EPHA5: variants seen among roughly 807,000 people sequenced by gnomAD.
EPHA5 encodes EPH receptor A5.
A neutral mutation model predicts 105.0 loss-of-function variants in EPHA5; 60 were observed. That is an observed-to-expected ratio of 0.57 (90% CI 0.46 to 0.71). The LOEUF (loss-of-function observed/expected upper bound fraction) is 0.71, where lower values mean the gene tolerates loss of function less well. Among genes scored for constraint, EPHA5 ranks in the 30% least tolerant of loss-of-function variants. The pLI, the probability that EPHA5 is intolerant of heterozygous loss-of-function variation, is 0.00. For missense variants in EPHA5, 1,218 were observed against 1,274.7 expected, an observed-to-expected ratio of 0.96 and a Z score of 0.68; for synonymous variants, 513 against 449.1, an observed-to-expected ratio of 1.14 and a Z score of -1.80.
At chr4:65,363,505 C>T (rs1409302495) in intron 11 of EPHA5, among the ~76,000 whole-genome samples, 1 of 151,440 alleles carries the variant, frequency 6.6e-6, no homozygotes, top group Non-Finnish European at 1.5e-5. Flanking sequence ...TACATCTTAA[C>T]TCATTATGAA....
intron 9 of EPHA5, among the ~76,000 whole-genome samples, chr4:65,366,386 G>A (rs184843944): frequency 2.0e-5 from 3 of 151,700 alleles, no homozygotes; most frequent in Non-Finnish European, 3.0e-5. Flanking sequence ...TTAATTTGCT[G>A]GTTTATTATT....
At chr4:65,588,477 G>A (rs914357755) in intron 3 of EPHA5, among the ~76,000 whole-genome samples, 4 of 152,064 alleles carry the variant, frequency 2.6e-5, no homozygotes, top group South Asian at 2.1e-4. Context: ...TCTGCTCAGG[G>A]GAACAGTCTG....
At chr4:65,615,626 C>G (rs1466742889) in intron 2 of EPHA5, among the ~76,000 whole-genome samples, 1 of 151,792 alleles carries the variant, frequency 6.6e-6, no homozygotes, top group Non-Finnish European at 1.5e-5. Context: ...ACAGAAAATA[C>G]ATGAAAAGAC....
At chr4:65,492,262 A>G (rs537955031) in intron 4 of EPHA5, among the ~76,000 whole-genome samples, 78 of 152,006 alleles carry the variant, frequency 5.1e-4, no homozygotes, top group Admixed American at 2.1e-3. Flanking sequence ...AATGCACTGG[A>G]GTGATTTTGG....
At chr4:65,655,155 C>A (rs1204252303) in intron 1 of EPHA5, among the ~76,000 whole-genome samples, 1 of 151,696 alleles carries the variant, frequency 6.6e-6, no homozygotes, top group African/African-American at 2.4e-5. Context: ...CTTTCATATT[C>A]TCTTTTATTA....
chr4:65,657,159 A>C (rs1255883523), intron 1 of EPHA5, among the ~76,000 whole-genome samples: 1 of 152,154 alleles, frequency 6.6e-6, no homozygotes, highest in African/African-American at 2.4e-5. Flanking sequence ...TGTAAATCTA[A>C]AGTACTTCAT....
At chr4:65,493,772 C>G (rs978515914) in intron 4 of EPHA5, among the ~76,000 whole-genome samples, 1 of 151,716 alleles carries the variant, frequency 6.6e-6, no homozygotes, top group Non-Finnish European at 1.5e-5. Flanking sequence ...CCCCCTCACG[C>G]CCCACCCCCA....
chr4:65,590,217 T>G (rs1234428697), intron 3 of EPHA5, among the ~76,000 whole-genome samples: 2 of 152,162 alleles, frequency 1.3e-5, no homozygotes, highest in Admixed American at 1.3e-4. Flanking sequence ...ACCTTTACAG[T>G]GCTCAAATGA....
rs530072878 is a variant in EPHA5, at chr4:65,362,429, G to C, written c.2173+2588C>G. Among the ~76,000 whole-genome samples the C allele has an allele frequency of 3.3e-5, 5 of 151,790 alleles. No individual in the cohort carries two copies. In the East Asian group the frequency reaches 9.7e-4, roughly 29 times the overall value. ...AAACAAGTTGGAGACTTCCTAAGTT[G>C]AACATTAAGAGCTAAATTTATAAAG... On this transcript the variant is annotated intron_variant, in intron 11 of 16. Transcript: ENST00000613740.
intron 15 of EPHA5, among the ~76,000 whole-genome samples, chr4:65,333,562 T>C (rs1348840060): frequency 4.2e-5 from 5 of 119,012 alleles, no homozygotes; most frequent in South Asian, 2.3e-4. Context: ...TGTGTGTGTG[T>C]GTGTGTGTGT....
At chr4:65,536,534 G>T (rs1578365423) in intron 3 of EPHA5, among the ~76,000 whole-genome samples, 1 of 151,854 alleles carries the variant, frequency 6.6e-6, no homozygotes, top group South Asian at 2.1e-4. Context: ...TATTTCAGAA[G>T]TCAATTTTAC....
In EPHA5 at chr4:65,351,450, A is replaced by G. The variant is rs745360988; in HGVS notation, c.2384T>C (p.Val795Ala). The part of the protein sequence containing the change: ...ILINSNLVCK[V>A]SDFGLSRVLE... The stretch of plus-strand genomic sequence containing the variant: ...TACCCGGGAAAGTCCAAAGTCAGAC[A>G]CTTTGCACACAAGGTTACTGTTGAT... Residue 795 changes from valine (V) to alanine (A), a missense_variant, in exon 13 of 17, where the codon GTG (valine) becomes GCG (alanine). Around this residue, in one of 3 missense-constraint regions of EPHA5, gnomAD observed 971 missense variants for 1,013.5 expected, o/e 0.96. Coordinates refer to ENST00000613740, the MANE Select transcript of EPHA5 (RefSeq NM_001281766.3). 16 of 1,613,710 alleles carry G rather than the reference A, an allele frequency of 9.9e-6. No individual in the cohort carries two copies. The highest frequency in any genetic ancestry group is 1.3e-5 in the African/African-American group (1 of 74,906).
At chr4:65,376,034 TCTC>T (rs2148917095) in intron 8 of EPHA5, among the ~76,000 whole-genome samples, 1 of 152,138 alleles carries the variant, frequency 6.6e-6, no homozygotes, top group African/African-American at 2.4e-5. Context: ...TCTCTCTTCT[TCTC>T]AGATCATTGG....
At chr4:65,341,385 T>A (rs1721702926) in intron 14 of EPHA5, among the ~76,000 whole-genome samples, 1 of 151,914 alleles carries the variant, frequency 6.6e-6, no homozygotes, top group African/African-American at 2.4e-5. Flanking sequence ...TGGTGCTGAG[T>A]CACACCATTG....
At chr4:65,545,657 A>G (rs1034044008) in intron 3 of EPHA5, among the ~76,000 whole-genome samples, 1 of 151,994 alleles carries the variant, frequency 6.6e-6, no homozygotes, top group Non-Finnish European at 1.5e-5. Flanking sequence ...AGAGAACAAG[A>G]TAAAAATGGA....
chr4:65,643,581 A>G (rs1468722242), intron 1 of EPHA5, among the ~76,000 whole-genome samples, 154 bp from the exon 2 acceptor site: 1 of 152,018 alleles, frequency 6.6e-6, no homozygotes, highest in Admixed American at 6.6e-5. Flanking sequence ...TAAAGAAAAT[A>G]TATTGATGCA....
chr4:65,560,018 C>T (rs1205893560), intron 3 of EPHA5, among the ~76,000 whole-genome samples: 1 of 152,080 alleles, frequency 6.6e-6, no homozygotes, highest in African/African-American at 2.4e-5. Flanking sequence ...GATATATAAT[C>T]TCTCATTCAC....
intron 2 of EPHA5, among the ~76,000 whole-genome samples, chr4:65,613,515 G>A (rs1228407286): frequency 1.3e-5 from 2 of 152,004 alleles, no homozygotes; most frequent in Admixed American, 1.3e-4. Flanking sequence ...AGAATGGGAT[G>A]ATCTTCAATT....
At chr4:65,554,721 C>A (rs776589906) in intron 3 of EPHA5, among the ~76,000 whole-genome samples, 7 of 151,620 alleles carry the variant, frequency 4.6e-5, no homozygotes, top group Admixed American at 1.3e-4. Flanking sequence ...TGTTTTTACT[C>A]TATAAAATGT....
Sources: gnomAD v4.1 joint callset for allele counts (sites outside exome capture counted in the v4.1 genomes callset) on GRCh38, gnomAD v4.1.1 for gene constraint, gnomAD v4.1.1 regional missense constraint, MANE v1.5 for transcripts, NCBI Gene and HGNC (gene_info 2026-07-23, HGNC 2026-07-21) for gene names.